Variants in CPLX3 observed in about 807,000 individuals in gnomAD.
The protein encoded by CPLX3 is complexin-3.
A neutral mutation model predicts 17.2 loss-of-function variants in CPLX3; 12 were observed. That is an observed-to-expected ratio of 0.70 (90% confidence interval 0.45 to 1.13). CPLX3 has a LOEUF of 1.13. CPLX3 is among the 50% of genes most tolerant of loss of function. CPLX3 has a pLI of 0.00. For synonymous variants in CPLX3, 75 were observed against 79.4 expected (o/e 0.94, Z 0.29); for missense variants, 172 against 203.2 (o/e 0.85, Z 0.93).
At chr15:74,829,308 G>A (rs796276621) in intron 2 of CPLX3, among the ~76,000 whole-genome samples, 1 of 151,922 alleles carries the variant, frequency 6.6e-6, no homozygotes, top group Non-Finnish European at 1.5e-5. Flanking sequence ...GACATAAGGC[G>A]CCCCCCAGAA....
In CPLX3 at chr15:74,828,131, C is replaced by T; in HGVS notation, c.252+10C>T. 6.4e-7 allele frequency: 1 copy of T among 1,570,528 alleles called. No homozygotes were observed. Among genetic ancestry groups the T allele is most frequent in the South Asian group, 1.2e-5 (1 of 85,604 alleles). On this transcript the variant is annotated intron_variant, in intron 2 of 2. Transcript: ENST00000395018. ...ATACCGGCTACCCAAGGTAAGCTGG[C>T]CCCGGCTGTGAGGCACATCTGGGAC... is the stretch of plus-strand genomic sequence containing the variant.
At chr15:74,828,921 G>T (rs2063955932) in intron 2 of CPLX3, among the ~76,000 whole-genome samples, 1 of 152,186 alleles carries the variant, frequency 6.6e-6, no homozygotes, top group African/African-American at 2.4e-5. Flanking sequence ...CTAAGGAGGG[G>T]AATGAAGCAC....
In CPLX3 at chr15:74,830,880, C is replaced by T. The variant is rs1242903936; in HGVS notation, c.*526C>T. The T allele has an allele frequency of 6.5e-6, 1 of 154,442 alleles. No individual in the cohort carries two copies. Among genetic ancestry groups the T allele is most frequent in the African/African-American group, 2.4e-5 (1 of 41,466 alleles). The allele number at this position is 154,442 out of a possible 1,614,324, so 9.6% of individuals were successfully genotyped here. ...TCCACCTTTATTGTTCTTGAAAGCC[C>T]CTGCTCTCTCTGAGCCTTATTTCAT... On this transcript the variant is annotated 3_prime_UTR_variant, in exon 3 of 3. Transcript: ENST00000395018.
At position 74,831,544 on chromosome 15, in the gene CPLX3, G is replaced by A. The variant is rs954383388; in HGVS notation, c.*1190G>A. 4 of 152,156 alleles carry A rather than the reference G, an allele frequency of 2.6e-5. No individual in the cohort carries two copies. The highest frequency in any genetic ancestry group is 1.3e-4 in the Admixed American group (2 of 15,276). The allele number at this position is 152,156 out of a possible 1,614,324, so 9.4% of individuals were successfully genotyped here. A position where few individuals can be genotyped will look rare whatever the true frequency, so the allele number is the denominator to read the frequency against. On this transcript the variant is annotated 3_prime_UTR_variant, in exon 3 of 3. Transcript: ENST00000395018. ...CGGGGCTGGACCGCAGCTGTCTTGGGTGCCTGTGCCTACACCCCTCCTCAC... is the reference window on the plus strand; with the variant it reads ...CGGGGCTGGACCGCAGCTGTCTTGGATGCCTGTGCCTACACCCCTCCTCAC...
chr15:74,828,173 T>G, intron 2 of CPLX3, 52 bp downstream of exon 2: 1 of 1,445,844 alleles, frequency 6.9e-7, no homozygotes, highest in Non-Finnish European at 9.5e-7. Context: ...CTCTGGGTTC[T>G]GGACTCCTTC....
intron 2 of CPLX3, among the ~76,000 whole-genome samples, chr15:74,829,007 C>T (rs757588158): frequency 9.9e-5 from 15 of 152,280 alleles, no homozygotes; most frequent in Non-Finnish European, 1.8e-4. Flanking sequence ...AGGGCTATAG[C>T]GCTCCTGATT....
chr15:74,827,005 C>A, intron 1 of CPLX3, 138 bp downstream of exon 1: 1 of 730,932 alleles, frequency 1.4e-6, no homozygotes, highest in Non-Finnish European at 2.2e-6. Context: ...GGGAGGTGTC[C>A]TCTACACTGC....
chr15:74,830,563 C>T lies in CPLX3; in HGVS notation c.*209C>T. On this transcript the variant is annotated 3_prime_UTR_variant, in exon 3 of 3. Transcript: ENST00000395018. ...CATCTTCACTCTACCCTTCAGGACC[C>T]TCCCCACCAGCTCAGCCTGTGGAGG... 1.8e-6 allele frequency: 1 copy of T among 560,512 alleles called. No homozygotes were observed. The highest frequency in any genetic ancestry group is 3.2e-6 in the Non-Finnish European group (1 of 312,732). 34.7% of individuals were successfully genotyped at this position (560,512 alleles called of 1,614,324 possible). A position where few individuals can be genotyped will look rare whatever the true frequency, so the allele number is the denominator to read the frequency against.
rs1208811759 is a variant in CPLX3 at position 74,830,999 on chromosome 15, GCAGCTGCTGCCACAGCCTC to G, written c.*650_*668del. ...CCCACATCCCTCCTTGGGCAGGGCA[GCAGCTGCTGCCACAGCCTC>G]CAGCGGCTGCCACTGTGGGCTCTGG... is the stretch of plus-strand genomic sequence containing the variant. On this transcript the variant is annotated 3_prime_UTR_variant, in exon 3 of 3. Coordinates refer to ENST00000395018, the MANE Select transcript of CPLX3 (RefSeq NM_001030005.3). 3 of 152,748 alleles carry G rather than the reference GCAGCTGCTGCCACAGCCTC, an allele frequency of 2.0e-5. No individual in the cohort carries two copies. Among genetic ancestry groups the G allele is most frequent in the Non-Finnish European group, 4.4e-5 (3 of 68,106 alleles). 9.5% of individuals were successfully genotyped at this position (152,748 alleles called of 1,614,324 possible).
At chr15:74,829,998 CAAAAAAAA>C (rs58349907) in intron 2 of CPLX3, 124 bp from the exon 3 acceptor site, 2 of 529,806 alleles carry the variant, frequency 3.8e-6, no homozygotes, top group South Asian at 2.2e-5. Flanking sequence ...CTCGTCTCTA[CAAAAAAAA>C]AAAAAAAGAA....
intron 2 of CPLX3, among the ~76,000 whole-genome samples, chr15:74,829,232 G>C (rs1300845115): frequency 6.6e-6 from 1 of 152,210 alleles, no homozygotes; most frequent in African/African-American, 2.4e-5. Context: ...AGGCATATAA[G>C]AGACACCTGC....
chr15:74,828,488 G>A (rs1445607973), intron 2 of CPLX3, among the ~76,000 whole-genome samples: 1 of 152,220 alleles, frequency 6.6e-6, no homozygotes, highest in African/African-American at 2.4e-5. Flanking sequence ...GCAGAGGTGA[G>A]TGTTCTGGGG....
At position 74,830,381 on chromosome 15, in the gene CPLX3, C is replaced by T. The variant is rs1226916573; in HGVS notation, c.*27C>T. On this transcript the variant is annotated 3_prime_UTR_variant, in exon 3 of 3. Coordinates refer to ENST00000395018, the MANE Select transcript of CPLX3 (RefSeq NM_001030005.3). The stretch of plus-strand genomic sequence containing the variant: ...CACTTCCCCGGGGTTACCCACTGGG[C>T]TGGGCCCCCATGAGGGCTAAGAGTG... The T allele has an allele frequency of 1.1e-5, 18 of 1,581,520 alleles. No individual in the cohort carries two copies. Among genetic ancestry groups the T allele is most frequent in the Non-Finnish European group, 1.6e-5 (18 of 1,157,684 alleles).
rs1229136959 is a variant in CPLX3, at chr15:74,830,226, G to GAGGAGA, written c.353_358dup (p.Glu118_Lys119dup). 6.2e-7 allele frequency: 1 copy of GAGGAGA among 1,614,004 alleles called. No individual in the cohort carries two copies. Among genetic ancestry groups the GAGGAGA allele is most frequent in the Non-Finnish European group, 8.5e-7 (1 of 1,180,038 alleles). ...GATCGAGGAGGACACAGAGGAGGAGGAGGAGAAGGCCTCAGTCCTTGGGCA... is the reference window on the plus strand; with the variant it reads ...GATCGAGGAGGACACAGAGGAGGAGGAGGAGAAGGAGAAGGCCTCAGTCCTTGGGCA... On this transcript the variant is annotated inframe_insertion, in exon 3 of 3. Transcript: ENST00000395018.
Position 74,830,393 on chromosome 15 carries a change from G to A in CPLX3, c.*39G>A, listed in dbSNP as rs750148517. ...GTTACCCACTGGGCTGGGCCCCCAT[G>A]AGGGCTAAGAGTGTGTCAACTTCCA... is the stretch of plus-strand genomic sequence containing the variant. On this transcript the variant is annotated 3_prime_UTR_variant, in exon 3 of 3. Transcript: ENST00000395018. 2 of 1,525,976 alleles carry A rather than the reference G, an allele frequency of 1.3e-6. No individual in the cohort carries two copies. Among genetic ancestry groups the A allele is most frequent in the Non-Finnish European group, 1.8e-6 (2 of 1,114,178 alleles). The allele number at this position is 1,525,976 out of a possible 1,614,324, so 94.5% of individuals were successfully genotyped here. A position where few individuals can be genotyped will look rare whatever the true frequency, so the allele number is the denominator to read the frequency against.
Position 74,830,152 on chromosome 15 carries a change from T to C in CPLX3, c.275T>C (p.Ile92Thr), listed in dbSNP as rs1209596277. 3.1e-6 allele frequency: 5 copies of C among 1,613,612 alleles called. No individual in the cohort carries two copies. The East Asian group carries it at 8.9e-5, about 29-fold the overall frequency. Reference sequence around the variant, plus strand: ...CAGAACGAGACAGATGAGAGCCAGATCCAGATGGCAGGTGGAGACGTGGAG... The same window carrying C: ...CAGAACGAGACAGATGAGAGCCAGACCCAGATGGCAGGTGGAGACGTGGAG... Reference protein sequence around the residue: ...LPKNETDESQIQMAGGDVELP... With the variant: ...LPKNETDESQTQMAGGDVELP... The change falls in exon 3 of 3, where the codon ATC (isoleucine) becomes ACC (threonine). Residue 92 changes from isoleucine (I) to threonine (T), a missense_variant. Ile to Thr is a moderately conservative substitution (Grantham distance 89). Coordinates refer to ENST00000395018, the MANE Select transcript of CPLX3 (RefSeq NM_001030005.3).
chr15:74,828,168 G>A (rs1178497641), intron 2 of CPLX3, 47 bp downstream of exon 2: 17 of 1,481,144 alleles, frequency 1.1e-5, no homozygotes, highest in African/African-American at 4.2e-5. Context: ...CTGAGCTCTG[G>A]GTTCTGGACT....
intron 1 of CPLX3, 29 bp from the exon 2 acceptor site, chr15:74,828,005 T>C (rs1037808431): frequency 3.2e-6 from 5 of 1,571,834 alleles, no homozygotes; most frequent in Non-Finnish European, 4.3e-6. Flanking sequence ...TCAGCCCTCG[T>C]GGTGACTCTG....
In CPLX3 at chr15:74,830,627, C is replaced by A; in HGVS notation, c.*273C>A. 1 of 417,090 alleles carries A rather than the reference C, an allele frequency of 2.4e-6. No homozygotes were observed. Among genetic ancestry groups the A allele is most frequent in the Non-Finnish European group, 4.4e-6 (1 of 226,146 alleles). 25.8% of individuals were successfully genotyped at this position (417,090 alleles called of 1,614,324 possible). A position where few individuals can be genotyped will look rare whatever the true frequency, so the allele number is the denominator to read the frequency against. ...TAGGAATAGGCCCATCCCTCTCTGG[C>A]CATGGCCCCAAGTTCCTGCACACAG... On this transcript the variant is annotated 3_prime_UTR_variant, in exon 3 of 3. Transcript: ENST00000395018.
Sources: allele counts gnomAD v4.1 joint callset (sites outside exome capture counted in the v4.1 genomes callset), GRCh38; gene constraint gnomAD v4.1.1; transcripts MANE v1.5; gene names NCBI Gene and HGNC (gene_info 2026-07-23, HGNC 2026-07-21).